Variants in SAMD3 observed in about 807,000 individuals in gnomAD.
The protein encoded by SAMD3 is sterile alpha motif domain containing 3, also known as sterile alpha motif domain-containing protein 3.
Under a neutral mutation model 58.5 loss-of-function variants are expected in SAMD3, and 63 were observed. The observed-to-expected ratio is 1.08, with a 90% CI of 0.88 to 1.33. SAMD3 has a LOEUF of 1.33. SAMD3 is among the 40% of genes most tolerant of loss of function. The probability of loss-of-function intolerance (pLI) is 0.00; values close to 1 mark genes in which losing one functional copy is unlikely to be tolerated. For synonymous variants in SAMD3, 220 were observed against 210.3 expected, an observed-to-expected ratio of 1.05 and a Z score of -0.40; for missense variants, 604 against 608.4, an observed-to-expected ratio of 0.99 and a Z score of 0.08.
At chr6:130,253,045 G>T (rs942211449) in intron 2 of SAMD3, among the ~76,000 whole-genome samples, 4 of 152,138 alleles carry the variant, frequency 2.6e-5, no homozygotes, top group African/African-American at 9.7e-5. Context: ...CCATGCCTCT[G>T]CAGGATTCTG....
At chr6:130,179,706 A>G (rs1177807596) in intron 7 of SAMD3, among the ~76,000 whole-genome samples, 1 of 151,996 alleles carries the variant, frequency 6.6e-6, no homozygotes, top group Non-Finnish European at 1.5e-5. Flanking sequence ...TTTTTGAAAA[A>G]TTGGAGAAAT....
intron 2 of SAMD3, among the ~76,000 whole-genome samples, chr6:130,306,933 T>A (rs1006557848): frequency 1.3e-5 from 2 of 152,232 alleles, no homozygotes; most frequent in African/African-American, 4.8e-5. Context: ...TAACTACTAC[T>A]TCACTACTGA....
chr6:130,299,793 C>G (rs1224312600), intron 2 of SAMD3, among the ~76,000 whole-genome samples: 2 of 152,032 alleles, frequency 1.3e-5, no homozygotes, highest in African/African-American at 4.8e-5. Context: ...CAACTGATAC[C>G]ACAAAAATAC....
intron 7 of SAMD3, chr6:130,183,350 G>GA: frequency 2.4e-6 from 1 of 423,898 alleles, no homozygotes; most frequent in South Asian, 1.7e-5. Flanking sequence ...AAAAAAAAAA[G>GA]GAAAAAAAAA....
intron 5 of SAMD3, among the ~76,000 whole-genome samples, chr6:130,200,103 A>AG (rs1273430510): frequency 6.6e-6 from 1 of 152,032 alleles, no homozygotes; most frequent in Non-Finnish European, 1.5e-5. Flanking sequence ...AAAACAAAGC[A>AG]GAAAAAAAAA....
At chr6:130,348,719 C>A (rs1777547467) in intron 1 of SAMD3, among the ~76,000 whole-genome samples, 1 of 152,194 alleles carries the variant, frequency 6.6e-6, no homozygotes, top group Admixed American at 6.5e-5. Flanking sequence ...AGCTCTGCAG[C>A]AAGCGGACCT....
intron 2 of SAMD3, chr6:130,215,992 T>G (rs1409132218): frequency 1.9e-6 from 1 of 540,412 alleles, no homozygotes; most frequent in African/African-American, 1.9e-5. Flanking sequence ...GTAAGATAAC[T>G]AGGATAAACT....
At chr6:130,147,335 A>G (rs554872111) in intron 9 of SAMD3, among the ~76,000 whole-genome samples, 3 of 152,366 alleles carry the variant, frequency 2.0e-5, no homozygotes, top group African/African-American at 2.4e-5. Context: ...TGCATAAGGC[A>G]TAGTGGCTTT....
At chr6:130,172,697 C>T (rs1389911389) in intron 8 of SAMD3, among the ~76,000 whole-genome samples, 1 of 152,088 alleles carries the variant, frequency 6.6e-6, no homozygotes, top group Non-Finnish European at 1.5e-5. Context: ...GGTTGCTCTT[C>T]TTGAGGAGTA....
At chr6:130,204,303 G>C (rs1011082996) in intron 5 of SAMD3, among the ~76,000 whole-genome samples, 13 of 152,052 alleles carry the variant, frequency 8.5e-5, no homozygotes, top group African/African-American at 3.1e-4. Context: ...TGCAAAAAAA[G>C]CTCTTCCCAA....
intron 1 of SAMD3, among the ~76,000 whole-genome samples, chr6:130,337,782 C>T (rs752303982): frequency 5.9e-5 from 9 of 152,174 alleles, no homozygotes; most frequent in South Asian, 2.1e-4. Context: ...TTGCCCGTGC[C>T]GTAGAGATCT....
intron 2 of SAMD3, among the ~76,000 whole-genome samples, chr6:130,253,278 C>T (rs1000692968): frequency 2.0e-5 from 3 of 152,112 alleles, no homozygotes; most frequent in Non-Finnish European, 4.4e-5. Context: ...CCAGCTCTGG[C>T]TTCTCTCGGA....
intron 8 of SAMD3, 71 bp from the exon 9 acceptor site, chr6:130,155,096 C>G (rs1224218187): frequency 8.2e-7 from 1 of 1,222,742 alleles, no homozygotes; most frequent in East Asian, 2.4e-5. Flanking sequence ...GCTGTTATTG[C>G]ACACTCTTAA....
chr6:130,318,730 A>G (rs1383948003), intron 1 of SAMD3, among the ~76,000 whole-genome samples: 2 of 152,150 alleles, frequency 1.3e-5, no homozygotes, highest in Non-Finnish European at 2.9e-5. Flanking sequence ...TGCCCAGCCC[A>G]TCTAATAAAA....
At chr6:130,158,457 G>C (rs1789988993) in intron 8 of SAMD3, among the ~76,000 whole-genome samples, 1 of 151,414 alleles carries the variant, frequency 6.6e-6, no homozygotes, top group African/African-American at 2.4e-5. Flanking sequence ...TTTTCTGAAA[G>C]GTGCAAGAAA....
upstream of SAMD3, among the ~76,000 whole-genome samples, chr6:130,225,028 G>T (rs1331181842): frequency 6.6e-6 from 1 of 152,168 alleles, no homozygotes; most frequent in Non-Finnish European, 1.5e-5. Flanking sequence ...GTATGTGTGT[G>T]TGTTAGAGAG....
intron 8 of SAMD3, among the ~76,000 whole-genome samples, chr6:130,170,867 T>C (rs1366487464): frequency 1.3e-5 from 2 of 152,232 alleles, no homozygotes; most frequent in Non-Finnish European, 2.9e-5. Flanking sequence ...TTTCTAAATA[T>C]ACAATCATGT....
chr6:130,365,431 C>T, upstream of SAMD3: 1 of 985,494 alleles, frequency 1.0e-6, no homozygotes, highest in Non-Finnish European at 1.2e-6. Context: ...CTTTTCCGGC[C>T]AGGTTTGGTT....
intron 2 of SAMD3, among the ~76,000 whole-genome samples, chr6:130,296,548 C>A (rs966741191): frequency 6.6e-6 from 1 of 152,134 alleles, no homozygotes; most frequent in African/African-American, 2.4e-5. Flanking sequence ...AACTTCCCAC[C>A]GGGGGCCAGA....
Sources: allele counts gnomAD v4.1 joint callset (sites outside exome capture counted in the v4.1 genomes callset), GRCh38; gene constraint gnomAD v4.1.1; transcripts MANE v1.5; gene names NCBI Gene and HGNC (gene_info 2026-07-23, HGNC 2026-07-21).